Variants in BCAS3 observed in about 807,000 individuals in gnomAD.
BCAS3 encodes the protein BCAS4/BCAS3 fusion.
In BCAS3, 53 loss-of-function variants were observed where a neutral mutation model predicts 116.1. The ratio of observed to expected loss-of-function variants is 0.46; its 90% CI spans 0.37 to 0.57. The LOEUF is 0.57. Ranked by LOEUF, BCAS3 falls within the 20% of genes least tolerant of loss-of-function variation. The probability of loss-of-function intolerance (pLI) is 0.00; values close to 1 mark genes in which losing one functional copy is unlikely to be tolerated. For synonymous variants in BCAS3, 391 were observed against 408.2 expected, an observed-to-expected ratio of 0.96 and a Z score of 0.51; for missense variants, 917 against 1,165.4, an observed-to-expected ratio of 0.79 and a Z score of 3.10.
In BCAS3 at chr17:61,141,652, C is replaced by T. The variant is rs2076921648; in HGVS notation, c.2425+57088C>T. On this transcript the variant is annotated intron_variant, in intron 22 of 23. Transcript: ENST00000407086. This position sits in a 1 kb window ranked among gnomAD's most constrained non-coding sequence, Gnocchi z 4.3. ...GCGTGGTGGCTCACACCTGTAATCCCAGCTCTTTGAGAGGCTGAGGTGGGC... is the reference window on the plus strand; with the variant it reads ...GCGTGGTGGCTCACACCTGTAATCCTAGCTCTTTGAGAGGCTGAGGTGGGC... Among the ~76,000 whole-genome samples the T allele has an allele frequency of 6.6e-6, 1 of 152,066 alleles. No individual in the cohort carries two copies. Among genetic ancestry groups the T allele is most frequent in the South Asian group, 2.1e-4 (1 of 4,836 alleles).
chr17:61,245,408 G>A lies in BCAS3; in HGVS notation c.2426-122919G>A, dbSNP rs2047863993. On this transcript the variant is annotated intron_variant, in intron 22 of 23. Coordinates refer to ENST00000407086, the MANE Select transcript of BCAS3 (RefSeq NM_017679.5). ...TTTTTATTTATTTTTTAGAGACAGGGTCTTGTTATGTTGCCAAGGCTGGAT... is the reference window on the plus strand; with the variant it reads ...TTTTTATTTATTTTTTAGAGACAGGATCTTGTTATGTTGCCAAGGCTGGAT... 4 of 151,700 alleles carry A rather than the reference G, an allele frequency of 2.6e-5. No individual in the cohort carries two copies. In the South Asian group the frequency reaches 6.3e-4, roughly 24 times the overall value. 9.4% of individuals were successfully genotyped at this position (151,700 alleles called of 1,614,324 possible).
In BCAS3 at chr17:61,077,952, A is replaced by G. The variant is rs1334127294; in HGVS notation, c.2131-381A>G. Among the ~76,000 whole-genome samples, 11 of 152,158 alleles carry G rather than the reference A, an allele frequency of 7.2e-5. No homozygotes were observed. The highest frequency in any genetic ancestry group is 7.2e-4 in the Admixed American group (11 of 15,280). On this transcript the variant is annotated intron_variant, in intron 20 of 23. Transcript: ENST00000407086. The surrounding 1 kb of genome is among the most constrained non-coding windows in gnomAD (Gnocchi z 4.3). ...GTAGTATTCAGTGCATGCCCACAAC[A>G]TGGTAAGTACTGTCTAGAATGAATG...
At chr17:60,797,226 C>G (rs2047291690) in intron 6 of BCAS3, among the ~76,000 whole-genome samples, 1 of 152,064 alleles carries the variant, frequency 6.6e-6, no homozygotes, top group African/African-American at 2.4e-5. Flanking sequence ...CTGCATAATC[C>G]GTTTCAATAT....
At position 61,248,705 on chromosome 17, in the gene BCAS3, G is replaced by A. The variant is rs1298657072; in HGVS notation, c.2426-119622G>A. ...CCAACCCTGATAGCCTGATTTTTAA[G>A]GCCCCTAACACAAATGATACCAGGA... On this transcript the variant is annotated intron_variant, in intron 22 of 23. Coordinates refer to ENST00000407086, the MANE Select transcript of BCAS3 (RefSeq NM_017679.5). The surrounding 1 kb of genome is among the most constrained non-coding windows in gnomAD (Gnocchi z 4.3). 2.0e-5 allele frequency among the ~76,000 whole-genome samples: 3 copies of A among 152,190 alleles called. No homozygotes were observed. The highest frequency in any genetic ancestry group is 2.0e-4 in the Admixed American group (3 of 15,282).
chr17:60,772,162 G>A (rs1364160629), intron 6 of BCAS3, among the ~76,000 whole-genome samples: 1 of 152,160 alleles, frequency 6.6e-6, no homozygotes, highest in African/African-American at 2.4e-5. Flanking sequence ...ACTAGTTTAT[G>A]CTTCCACCAA....
chr17:60,731,135 T>G (rs2040414698), intron 5 of BCAS3, among the ~76,000 whole-genome samples: 1 of 152,266 alleles, frequency 6.6e-6, no homozygotes, highest in African/African-American at 2.4e-5. Context: ...GGAACTTCAT[T>G]CCTTCCAGTT....
intron 9 of BCAS3, chr17:60,886,440 C>G (rs1010964446): frequency 1.3e-5 from 2 of 152,210 alleles, no homozygotes; most frequent in Non-Finnish European, 2.9e-5. Flanking sequence ...CTTCTTCTCT[C>G]AGCTTGTCAA....
intron 9 of BCAS3, among the ~76,000 whole-genome samples, chr17:60,880,553 C>T (rs535520399): frequency 6.6e-6 from 1 of 152,224 alleles, no homozygotes; most frequent in African/African-American, 2.4e-5. Flanking sequence ...CTCCGAAAGT[C>T]CTGGGATTAC....
intron 7 of BCAS3, among the ~76,000 whole-genome samples, chr17:60,841,546 A>ATTTTT (rs754447784): frequency 1.6e-5 from 2 of 123,468 alleles, no homozygotes; most frequent in African/African-American, 7.0e-5. Flanking sequence ...CACCTGGCTA[A>ATTTTT]TTTTTTTTTT....
At chr17:60,736,265 T>C (rs1196489903) in intron 5 of BCAS3, among the ~76,000 whole-genome samples, 2 of 152,270 alleles carry the variant, frequency 1.3e-5, no homozygotes, top group Non-Finnish European at 2.9e-5. Flanking sequence ...GATTTTCACA[T>C]CTATGTTCAT....
intron 5 of BCAS3, among the ~76,000 whole-genome samples, chr17:60,730,946 C>T (rs2040397882): frequency 6.6e-6 from 1 of 152,086 alleles, no homozygotes; most frequent in South Asian, 2.1e-4. Flanking sequence ...TTACTGTGGC[C>T]ACTCATGTAG....
At chr17:60,780,325 C>T (rs1180918033) in intron 6 of BCAS3, among the ~76,000 whole-genome samples, 1 of 148,516 alleles carries the variant, frequency 6.7e-6, no homozygotes, top group Admixed American at 6.8e-5. Flanking sequence ...GAGACAGTGT[C>T]ACCCTGTTGC....
intron 19 of BCAS3, among the ~76,000 whole-genome samples, chr17:61,045,933 AATATATATATTATATATATAAAT>A (rs1568212020): frequency 5.9e-5 from 1 of 16,888 alleles, no homozygotes; most frequent in East Asian, 2.8e-3. Flanking sequence ...AATATATATA[AATATATATATTATATATATAAAT>A]ATATATATAA....
In BCAS3 at chr17:61,261,377, CTT is replaced by C. The variant is rs2049188906; in HGVS notation, c.2426-106948_2426-106947del. On this transcript the variant is annotated intron_variant, in intron 22 of 23. Coordinates refer to ENST00000407086, the MANE Select transcript of BCAS3 (RefSeq NM_017679.5). This position sits in a 1 kb window ranked among gnomAD's most constrained non-coding sequence, Gnocchi z 4.4. ...TGCTGCAGGATGCTACCCCCTGACC[CTT>C]TATAAGTCAGCCTTGCTTGATTACT... Among the ~76,000 whole-genome samples the C allele has an allele frequency of 6.6e-6, 1 of 152,142 alleles. No homozygotes were observed. The highest frequency in any genetic ancestry group is 2.1e-4 in the South Asian group (1 of 4,828).
In BCAS3 at chr17:61,007,326, A is replaced by C. The variant is rs949365402; in HGVS notation, c.1487-8425A>C. On this transcript the variant is annotated intron_variant, in intron 15 of 23. Transcript: ENST00000407086. The surrounding 1 kb of genome is among the most constrained non-coding windows in gnomAD (Gnocchi z 4.3). ...GTTACCTTTTGGAGTTGTGTCAACT[A>C]TACTTGCTGTACTTAGAATTTTAGC... 6.6e-5 allele frequency among the ~76,000 whole-genome samples: 10 copies of C among 152,032 alleles called. No individual in the cohort carries two copies. The highest frequency in any genetic ancestry group is 2.4e-4 in the African/African-American group (10 of 41,422).
At position 61,008,710 on chromosome 17, in the gene BCAS3, TAAAA is replaced by T. The variant is rs903457128; in HGVS notation, c.1487-7035_1487-7032del. 2.0e-5 allele frequency among the ~76,000 whole-genome samples: 3 copies of T among 149,810 alleles called. No individual in the cohort carries two copies. The highest frequency in any genetic ancestry group is 4.9e-5 in the African/African-American group (2 of 40,626). The stretch of plus-strand genomic sequence containing the variant: ...TACCAAAAAATAAAAAATAAAAAAA[TAAAA>T]AAAAAGGCCCCGTAGAACTCATCAT... On this transcript the variant is annotated intron_variant, in intron 15 of 23. Coordinates refer to ENST00000407086, the MANE Select transcript of BCAS3 (RefSeq NM_017679.5). This position sits in a 1 kb window ranked among gnomAD's most constrained non-coding sequence, Gnocchi z 4.6.
intron 12 of BCAS3, among the ~76,000 whole-genome samples, chr17:60,921,485 C>CTACTT: frequency 6.6e-6 from 1 of 150,734 alleles, no homozygotes; most frequent in South Asian, 2.1e-4. Flanking sequence ...TAGTGGCGGG[C>CTACTT]GCCTGTAGTC....
In BCAS3 at chr17:61,063,799, A is replaced by G. The variant is rs550634916; in HGVS notation, c.2030-11121A>G. ...TGCTGTTAATCATTGGTCCTCTTCA[A>G]TTAAGGCACAAAGAAGATGAATTTT... On this transcript the variant is annotated intron_variant, in intron 19 of 23. Coordinates refer to ENST00000407086, the MANE Select transcript of BCAS3 (RefSeq NM_017679.5). The surrounding 1 kb of genome is among the most constrained non-coding windows in gnomAD (Gnocchi z 5.3). Among the ~76,000 whole-genome samples, 1 of 152,322 alleles carries G rather than the reference A, an allele frequency of 6.6e-6. No individual in the cohort carries two copies. The highest frequency in any genetic ancestry group is 2.1e-4 in the South Asian group (1 of 4,822).
Position 61,332,565 on chromosome 17 carries a change from A to ATC in BCAS3, c.2426-35758_2426-35757dup, listed in dbSNP as rs1404085270. 6.6e-6 allele frequency among the ~76,000 whole-genome samples: 1 copy of ATC among 152,188 alleles called. No homozygotes were observed. Among genetic ancestry groups the ATC allele is most frequent in the South Asian group, 2.1e-4 (1 of 4,826 alleles). ...TCTTTCCAACTGATTGCCTCTGCTA[A>ATC]TCTCTATACTACCCTGTGACATAGG... On this transcript the variant is annotated intron_variant, in intron 22 of 23. Transcript: ENST00000407086. The surrounding 1 kb of genome is among the most constrained non-coding windows in gnomAD (Gnocchi z 5.4).
Sources: gnomAD v4.1 joint callset for allele counts (sites outside exome capture counted in the v4.1 genomes callset) on GRCh38, gnomAD v4.1.1 for gene constraint, Gnocchi (gnomAD v3.1) non-coding constraint, MANE v1.5 for transcripts, NCBI Gene and HGNC (gene_info 2026-07-23, HGNC 2026-07-21) for gene names.